The following TBCD variants were observed in gnomAD, a reference collection of about 807,000 sequenced individuals.
TBCD encodes tubulin-specific chaperone D.
In TBCD, 105 loss-of-function variants were observed where a neutral mutation model predicts 169.3. The observed-to-expected ratio is 0.62, with a 90% CI of 0.53 to 0.73. The LOEUF (loss-of-function observed/expected upper bound fraction) is 0.73. Ranked by LOEUF, TBCD falls within the 30% of genes least tolerant of loss-of-function variation. The pLI, the probability that TBCD is intolerant of heterozygous loss-of-function variation, is 0.00. For synonymous variants in TBCD, 700 were observed against 643.9 expected, an observed-to-expected ratio of 1.09 and a Z score of -1.32; for missense variants, 1,444 against 1,600.1, an observed-to-expected ratio of 0.90 and a Z score of 1.66.
chr17:82,808,548 T>TC (rs1362825419), intron 11 of TBCD, among the ~76,000 whole-genome samples: 1 of 10,464 alleles, frequency 9.6e-5, no homozygotes, highest in African/African-American at 4.7e-4. Flanking sequence ...GGTGGAGGGG[T>TC]GGCAGGTCCT....
chr17:82,882,882 G>A (rs756759140), intron 14 of TBCD, among the ~76,000 whole-genome samples: 4 of 152,222 alleles, frequency 2.6e-5, no homozygotes, highest in South Asian at 2.1e-4. Flanking sequence ...CACACGCCCC[G>A]GAAGTCAGGA....
chr17:82,836,698 AC>A (rs1414114527), intron 13 of TBCD, among the ~76,000 whole-genome samples: 3 of 143,174 alleles, frequency 2.1e-5, no homozygotes, highest in Admixed American at 6.7e-5. Context: ...AAAAAAAAAA[AC>A]AAAACAAAAC....
In TBCD at chr17:82,814,681, T is replaced by C. The variant is rs529732175; in HGVS notation, c.1224-159T>C. Among the ~76,000 whole-genome samples, 20 of 152,326 alleles carry C rather than the reference T, an allele frequency of 1.3e-4. No individual in the cohort carries two copies. In the South Asian group the frequency reaches 3.9e-3, roughly 30 times the overall value. On this transcript the variant is annotated intron_variant, in intron 12 of 38. Coordinates refer to ENST00000355528, the MANE Select transcript of TBCD (RefSeq NM_005993.5). ...TAGGCGTGAGCCGCTGTGCCCAGCC[T>C]TGATACTTTAAAAACTTAGGAATGG...
chr17:82,900,780 G>T lies in TBCD; in HGVS notation c.1730+49G>T. ...CTAAGAGCTTTTTTTCCCCCCAAAG[G>T]AGAGATTCAGTTGAGCTTATAAGCC... is the stretch of plus-strand genomic sequence containing the variant. On this transcript the variant is annotated intron_variant, in intron 18 of 38. Transcript: ENST00000355528. The T allele has an allele frequency of 2.1e-6, 3 of 1,407,846 alleles. No individual in the cohort carries two copies. The South Asian group carries it at 3.5e-5, about 16-fold the overall frequency. 87.2% of individuals were successfully genotyped at this position (1,407,846 alleles called of 1,614,324 possible).
chr17:82,921,526 C>G lies in TBCD; in HGVS notation c.2127C>G (p.Asp709Glu), dbSNP rs1244598912. Reference protein sequence around the residue: ...VIDGWQWLINDTLRHLHLISS... With the variant: ...VIDGWQWLINETLRHLHLISS... ...ATGGTTGGCAATGGCTGATAAATGACACTTTGAGACATCTCCATCTCATCT... is the reference window on the plus strand; with the variant it reads ...ATGGTTGGCAATGGCTGATAAATGAGACTTTGAGACATCTCCATCTCATCT... The change falls in exon 25 of 39, where the codon GAC becomes GAG. Residue 709 changes from aspartate (D) to glutamate (E), a missense_variant. Physicochemically the swap from Asp to Glu is conservative, Grantham distance 45 (BLOSUM62 2). Coordinates refer to ENST00000355528, the MANE Select transcript of TBCD (RefSeq NM_005993.5). The G allele has an allele frequency of 3.1e-6, 5 of 1,613,916 alleles. No individual in the cohort carries two copies. Among genetic ancestry groups the G allele is most frequent in the South Asian group, 1.1e-5 (1 of 91,092 alleles).
chr17:82,939,174 G>A lies in TBCD; in HGVS notation c.3370-193G>A, dbSNP rs746848752. 5 of 617,778 alleles carry A rather than the reference G, an allele frequency of 8.1e-6. No individual in the cohort carries two copies. In the Admixed American group the frequency reaches 8.5e-5, roughly 11 times the overall value. 38.3% of individuals were successfully genotyped at this position (617,778 alleles called of 1,614,324 possible). On this transcript the variant is annotated intron_variant, in intron 36 of 38. Transcript: ENST00000355528. Reference sequence around the variant, plus strand: ...GCAGCTAGCTGTGTGTCTGTGGAGGGAGGAGGTGGTTAATGGGCCTGGAAG... The same window carrying A: ...GCAGCTAGCTGTGTGTCTGTGGAGGAAGGAGGTGGTTAATGGGCCTGGAAG...
intron 19 of TBCD, among the ~76,000 whole-genome samples, chr17:82,905,029 G>A (rs2060138086): frequency 6.6e-6 from 1 of 152,198 alleles, no homozygotes; most frequent in Admixed American, 6.5e-5. Flanking sequence ...CACTTGGGGA[G>A]GCTTAGGCTC....
chr17:82,914,586 G>A (rs1308809710), intron 23 of TBCD, among the ~76,000 whole-genome samples: 3 of 152,152 alleles, frequency 2.0e-5, no homozygotes, highest in Non-Finnish European at 2.9e-5. Flanking sequence ...GCACCGTGGC[G>A]GGCGTGTCCC....
At chr17:82,931,368 G>A (rs1009788498) in intron 33 of TBCD, among the ~76,000 whole-genome samples, 1 of 152,236 alleles carries the variant, frequency 6.6e-6, no homozygotes, top group South Asian at 2.1e-4. Context: ...ATCTTCCCCA[G>A]TCAGGACGGT....
Position 82,871,417 on chromosome 17 carries a change from T to C in TBCD, c.1475+1037T>C, listed in dbSNP as rs532797438. Among the ~76,000 whole-genome samples, 19 of 152,330 alleles carry C rather than the reference T, an allele frequency of 1.2e-4. No homozygotes were observed. The South Asian group carries it at 2.9e-3, about 23-fold the overall frequency. On this transcript the variant is annotated intron_variant, in intron 14 of 38. Transcript: ENST00000355528. ...GGCGACTCAGTGTCACTGTCCGTCA[T>C]GGGTGTGTGAGCCCACGGCTGAATC...
intron 11 of TBCD, among the ~76,000 whole-genome samples, chr17:82,808,261 C>G (rs968921717): frequency 3.3e-5 from 5 of 151,934 alleles, no homozygotes; most frequent in Admixed American, 6.6e-5. Flanking sequence ...GCTGAAGTGT[C>G]GGGGAGGCCC....
chr17:82,772,354 C>G, intron 5 of TBCD, 98 bp from the exon 6 acceptor site: 1 of 1,278,004 alleles, frequency 7.8e-7, no homozygotes, highest in Non-Finnish European at 1.1e-6. Context: ...AACCTGGGCC[C>G]TCGGGGAGCT....
rs9896263 is a variant in TBCD at position 82,944,865 on chromosome 17, A to G, written c.*2402A>G. The G allele has an allele frequency of 0.72, 109,339 of 152,080 alleles. 39,733 individuals are homozygous for G. Among genetic ancestry groups the G allele is most frequent in the South Asian group, 0.84 (4,075 of 4,828 alleles). 9.4% of individuals were successfully genotyped at this position (152,080 alleles called of 1,614,324 possible). On this transcript the variant is annotated 3_prime_UTR_variant, in exon 39 of 39. Coordinates refer to ENST00000355528, the MANE Select transcript of TBCD (RefSeq NM_005993.5). ...GGCCCAGGGCCAGATCTAATGGACC[A>G]CTATATAAAGCTGGGACCCTAAATA... is the stretch of plus-strand genomic sequence containing the variant.
intron 34 of TBCD, among the ~76,000 whole-genome samples, chr17:82,935,380 G>A (rs920444860): frequency 6.6e-6 from 1 of 152,138 alleles, no homozygotes; most frequent in Non-Finnish European, 1.5e-5. Flanking sequence ...AATTCAGCCT[G>A]TAGCTTTTAC....
chr17:82,823,198 TG>T (rs547657014), intron 13 of TBCD, among the ~76,000 whole-genome samples: 1 of 152,158 alleles, frequency 6.6e-6, no homozygotes, highest in African/African-American at 2.4e-5. Context: ...CAGGCTCTTG[TG>T]GGGGGCCCTG....
rs550751864 is a variant in TBCD at position 82,898,208 on chromosome 17, G to A, written c.1650-2443G>A. 1.0e-4 allele frequency among the ~76,000 whole-genome samples: 14 copies of A among 140,634 alleles called. 1 individual carries two copies. The highest frequency in any genetic ancestry group is 3.6e-4 in the Admixed American group (5 of 13,996). 92.3% of individuals were successfully genotyped at this position (140,634 alleles called of 152,430 possible). ...GCTCTGGGTTTTGGTGGGAGCACAC[G>A]GCACGGCTCTGGGTTTTGGTGGGAG... is the stretch of plus-strand genomic sequence containing the variant. On this transcript the variant is annotated intron_variant, in intron 17 of 38. Coordinates refer to ENST00000355528, the MANE Select transcript of TBCD (RefSeq NM_005993.5).
chr17:82,927,891 C>T lies in TBCD; in HGVS notation c.2610-14C>T, dbSNP rs1198666273. On this transcript the variant is annotated splice_polypyrimidine_tract_variant and intron_variant, in intron 29 of 38. Coordinates refer to ENST00000355528, the MANE Select transcript of TBCD (RefSeq NM_005993.5). ...TCTCAAGCTGGGTGTCTCTGCCTCTCCTTGTCCCATCAGGGTCCGCAAGGC... is the reference window on the plus strand; with the variant it reads ...TCTCAAGCTGGGTGTCTCTGCCTCTTCTTGTCCCATCAGGGTCCGCAAGGC... The T allele has an allele frequency of 2.3e-5, 37 of 1,612,782 alleles. No individual in the cohort carries two copies. The highest frequency in any genetic ancestry group is 3.1e-5 in the Non-Finnish European group (37 of 1,179,194).
chr17:82,853,746 C>T (rs1195691917), intron 13 of TBCD, among the ~76,000 whole-genome samples: 1 of 151,966 alleles, frequency 6.6e-6, no homozygotes, highest in Non-Finnish European at 1.5e-5. Flanking sequence ...GTATTCTTTT[C>T]TGTCTTTTAA....
At position 82,752,233 on chromosome 17, in the gene TBCD, G is replaced by T; in HGVS notation, c.40G>T (p.Glu14Ter). ...CGAACCGGCCGCGGGCGGCCCCGAGGAGGAGGCGGAGGACGAGACACTGGC... is the reference window on the plus strand; with the variant it reads ...CGAACCGGCCGCGGGCGGCCCCGAGTAGGAGGCGGAGGACGAGACACTGGC... ...SDEPAAGGPE[E>*]EAEDETLAFG... The change falls in exon 1 of 39, where the codon GAG (glutamate) becomes TAG (stop). Residue 14 changes from glutamate (E) to a stop codon, truncating the protein, a stop_gained. Coordinates refer to ENST00000355528, the MANE Select transcript of TBCD (RefSeq NM_005993.5). LOFTEE classifies it high-confidence loss of function. The T allele has an allele frequency of 6.6e-7, 1 of 1,526,248 alleles. No homozygotes were observed. Among genetic ancestry groups the T allele is most frequent in the East Asian group, 2.6e-5 (1 of 37,954 alleles). The allele number at this position is 1,526,248 out of a possible 1,614,324, so 94.5% of individuals were successfully genotyped here. A position where few individuals can be genotyped will look rare whatever the true frequency, so the allele number is the denominator to read the frequency against.
Sources: gnomAD v4.1 joint callset for allele counts (sites outside exome capture counted in the v4.1 genomes callset) on GRCh38, gnomAD v4.1.1 for gene constraint, MANE v1.5 for transcripts, NCBI Gene and HGNC (gene_info 2026-07-23, HGNC 2026-07-21) for gene names.